Variants in DSG1 observed in about 807,000 individuals in gnomAD.
DSG1 encodes desmoglein 1.
A neutral mutation model predicts 97.5 loss-of-function variants in DSG1; 39 were observed. The ratio of observed to expected loss-of-function variants is 0.40; its 90% CI spans 0.31 to 0.52. The LOEUF (loss-of-function observed/expected upper bound fraction) is 0.52, where lower values mean the gene tolerates loss of function less well. Ranked by LOEUF, DSG1 falls within the 20% of genes least tolerant of loss-of-function variation. DSG1 has a pLI of 0.53. For missense variants in DSG1, 1,311 were observed against 1,295.4 expected, an observed-to-expected ratio of 1.01 and a Z score of -0.18; for synonymous variants, 475 against 443.4, an observed-to-expected ratio of 1.07 and a Z score of -0.90.
rs2071980211 is a variant in DSG1, at chr18:31,358,891, T to C, written c.*3545T>C. Among the ~76,000 whole-genome samples the C allele has an allele frequency of 6.6e-6, 1 of 152,130 alleles. No individual in the cohort carries two copies. Among genetic ancestry groups the C allele is most frequent in the Admixed American group, 6.5e-5 (1 of 15,274 alleles). On this transcript the variant is annotated 3_prime_UTR_variant, in exon 15 of 15. Transcript: ENST00000257192. ...CACTTCCGGATTATTCAATTTATGT[T>C]AGGACAAATCTTGACTAGATCAACC...
At chr18:31,338,568 C>G (rs2071769618) in intron 10 of DSG1, 114 bp downstream of exon 10, 6 of 1,132,214 alleles carry the variant, frequency 5.3e-6, no homozygotes, top group Non-Finnish European at 7.8e-6. Flanking sequence ...AAAGTTGTCA[C>G]ACTGGGCATT....
chr18:31,328,679 TA>T (rs548483206), intron 4 of DSG1, among the ~76,000 whole-genome samples: 192 of 152,238 alleles, frequency 1.3e-3, no homozygotes, highest in African/African-American at 4.5e-3. Flanking sequence ...TAATGTCAAG[TA>T]ATGATTCTAG....
chr18:31,354,025 A>G (rs958843350), intron 14 of DSG1: 1 of 397,368 alleles, frequency 2.5e-6, no homozygotes, highest in Admixed American at 4.1e-5. Flanking sequence ...TTTTTTGTGT[A>G]TGGTTTTATG....
intron 9 of DSG1, among the ~76,000 whole-genome samples, chr18:31,337,411 C>T (rs1022532449): frequency 6.6e-6 from 1 of 152,124 alleles, no homozygotes; most frequent in Non-Finnish European, 1.5e-5. Flanking sequence ...CACCTGCTAC[C>T]ACGCCCAGCT....
intron 1 of DSG1, among the ~76,000 whole-genome samples, chr18:31,323,749 C>T (rs747592720): frequency 7.2e-5 from 11 of 152,126 alleles, no homozygotes; most frequent in Non-Finnish European, 1.3e-4. Context: ...TAATCCCTTG[C>T]TGTCAAGCAA....
At chr18:31,319,590 A>G (rs1205043067) in intron 1 of DSG1, among the ~76,000 whole-genome samples, 1 of 152,156 alleles carries the variant, frequency 6.6e-6, no homozygotes. Context: ...TGATCATTAT[A>G]CAGTATGTCA....
chr18:31,326,696 A>G (rs1428732582), intron 2 of DSG1, 80 bp downstream of exon 2: 1 of 1,395,328 alleles, frequency 7.2e-7, no homozygotes, highest in Admixed American at 1.7e-5. Context: ...TCTGAAGAAA[A>G]TGTATTCTCA....
At chr18:31,323,994 T>TC (rs1555654121) in intron 1 of DSG1, among the ~76,000 whole-genome samples, 1 of 144,758 alleles carries the variant, frequency 6.9e-6, no homozygotes, top group African/African-American at 2.6e-5. Context: ...TTTTTTTTTT[T>TC]TTTTCTTTTT....
chr18:31,356,293 G>C lies in DSG1; in HGVS notation c.*947G>C, dbSNP rs1354450665. The C allele has an allele frequency of 4.6e-5, 7 of 152,108 alleles. No homozygotes were observed. In the East Asian group the frequency reaches 1.4e-3, roughly 29 times the overall value. The allele number at this position is 152,108 out of a possible 1,614,324, so 9.4% of individuals were successfully genotyped here. ...GAACTGAATTGTGTTTTCAGGTTTTGTTTTTAGTAGGTGATATTCATTCGT... is the reference window on the plus strand; with the variant it reads ...GAACTGAATTGTGTTTTCAGGTTTTCTTTTTAGTAGGTGATATTCATTCGT... On this transcript the variant is annotated 3_prime_UTR_variant, in exon 15 of 15. Transcript: ENST00000257192.
In DSG1 at chr18:31,343,480, G is replaced by A; in HGVS notation, c.1718G>A (p.Cys573Tyr). The A allele has an allele frequency of 1.2e-6, 2 of 1,614,112 alleles. No homozygotes were observed. Among genetic ancestry groups the A allele is most frequent in the Non-Finnish European group, 1.7e-6 (2 of 1,180,022 alleles). ...CCATTTTTGATGATCTGTTGTGATT[G>A]TGGAGGTGCTCCTCGTAGTGCAGCT... ...LVPFLMICCD[C>Y]GGAPRSAAGF... The change falls in exon 12 of 15, where the codon TGT becomes TAT. Residue 573 changes from cysteine (C) to tyrosine (Y), a missense_variant. Transcript: ENST00000257192.
At chr18:31,337,156 A>T (rs555463850) in intron 9 of DSG1, among the ~76,000 whole-genome samples, 1 of 152,350 alleles carries the variant, frequency 6.6e-6, no homozygotes, top group Admixed American at 6.5e-5. Flanking sequence ...CTGTGCGTGC[A>T]CATGTACCTG....
intron 14 of DSG1, 116 bp downstream of exon 14, chr18:31,346,314 T>C: frequency 2.2e-6 from 2 of 889,924 alleles, no homozygotes; most frequent in East Asian, 5.1e-5. Flanking sequence ...ATTCTCAGCC[T>C]TTAGTTTTTG....
At chr18:31,348,020 A>G (rs2144114745) in intron 14 of DSG1, among the ~76,000 whole-genome samples, 1 of 152,044 alleles carries the variant, frequency 6.6e-6, no homozygotes, top group East Asian at 1.9e-4. Context: ...CACATTGTGC[A>G]GGTTAGTTAC....
At chr18:31,341,850 A>G (rs746800935) in intron 11 of DSG1, among the ~76,000 whole-genome samples, 14 of 152,206 alleles carry the variant, frequency 9.2e-5, no homozygotes, top group Admixed American at 2.0e-4. Context: ...CCAAGTGCTC[A>G]TTATCACTAC....
At chr18:31,337,246 TTTGTTTGTTTG>T (rs1453706961) in intron 9 of DSG1, among the ~76,000 whole-genome samples, 1 of 151,488 alleles carries the variant, frequency 6.6e-6, no homozygotes, top group Non-Finnish European at 1.5e-5. Flanking sequence ...GGGTTTTTTG[TTTGTTTGTTTG>T]TTGTTTGTTT....
chr18:31,327,508 C>A (rs764001716), intron 3 of DSG1, among the ~76,000 whole-genome samples: 2 of 152,080 alleles, frequency 1.3e-5, no homozygotes, highest in African/African-American at 2.4e-5. Flanking sequence ...CAGATGTACA[C>A]GTCCACAGAT....
intron 1 of DSG1, among the ~76,000 whole-genome samples, chr18:31,324,641 C>T (rs1335042273): frequency 1.3e-5 from 2 of 152,160 alleles, no homozygotes; most frequent in Non-Finnish European, 2.9e-5. Flanking sequence ...CTCCCTCTCT[C>T]GAACACCCCC....
In DSG1 at chr18:31,336,158, G is replaced by C. The variant is rs11664391; in HGVS notation, c.1006-196G>C. ...TTTTAACAATGAATCTAGGGGAATT[G>C]AATTGTTTCTTACTTTATTTGCACA... is the stretch of plus-strand genomic sequence containing the variant. On this transcript the variant is annotated intron_variant, in intron 8 of 14. Transcript: ENST00000257192. Among the ~76,000 whole-genome samples, 8,628 of 152,100 alleles carry C rather than the reference G, an allele frequency of 0.057. 379 individuals carry two copies. Among genetic ancestry groups the C allele is most frequent in the South Asian group, 0.13 (626 of 4,816 alleles).
rs528112234 is a variant in DSG1, at chr18:31,354,520, G to C, written c.2324G>C (p.Trp775Ser). The change falls in exon 15 of 15, where the codon TGG becomes TCG. Residue 775 changes from tryptophan to serine, a missense_variant. By Grantham distance (177) the Trp-to-Ser change is radical. Around this residue, in one of 3 missense-constraint regions of DSG1, gnomAD observed 1,038 missense variants for 964.6 expected, o/e 1.08. Transcript: ENST00000257192. ...TCATATCCAGACCTTGATCCTTCTTGGCCACCACAAAGCACTGAACCAGTT... is the reference window on the plus strand; with the variant it reads ...TCATATCCAGACCTTGATCCTTCTTCGCCACCACAAAGCACTGAACCAGTT... ...KESYPDLDPS[W>S]PPQSTEPVCL... 6.2e-7 allele frequency: 1 copy of C among 1,614,080 alleles called. No homozygotes were observed. Among genetic ancestry groups the C allele is most frequent in the Admixed American group, 1.7e-5 (1 of 60,018 alleles).
Sources: gnomAD v4.1 joint callset for allele counts (sites outside exome capture counted in the v4.1 genomes callset) on GRCh38, gnomAD v4.1.1 for gene constraint, gnomAD v4.1.1 regional missense constraint, MANE v1.5 for transcripts, NCBI Gene and HGNC (gene_info 2026-07-23, HGNC 2026-07-21) for gene names.